The following CNTNAP3B variants were observed in gnomAD, a reference collection of about 807,000 sequenced individuals.
The protein encoded by CNTNAP3B is contactin-associated protein-like 3B.
Under a neutral mutation model 108.9 loss-of-function variants are expected in CNTNAP3B, and 25 were observed. That is an observed-to-expected ratio of 0.23 (90% CI 0.17 to 0.32). The LOEUF is 0.32. Among genes scored for constraint, CNTNAP3B ranks in the 10% least tolerant of loss-of-function variants. CNTNAP3B has a pLI of 1.00. For missense variants in CNTNAP3B, 252 were observed against 1,210.4 expected (o/e 0.21, Z 11.75); for synonymous variants, 103 against 473.4 (o/e 0.22, Z 10.16).
intron 3 of CNTNAP3B, among the ~76,000 whole-genome samples, chr9:42,016,969 C>T (rs531691255): frequency 6.6e-6 from 1 of 151,856 alleles, no homozygotes; most frequent in Non-Finnish European, 1.5e-5. Context: ...GAAAGACAGT[C>T]ACTTAAGTTT....
chr9:41,929,856 C>T (rs1404421504), intron 14 of CNTNAP3B, among the ~76,000 whole-genome samples: 3 of 151,068 alleles, frequency 2.0e-5, no homozygotes, highest in East Asian at 1.9e-4. Context: ...CACTGCCATG[C>T]AAAAATAGAC....
intron 14 of CNTNAP3B, among the ~76,000 whole-genome samples, chr9:41,935,512 C>G (rs1277503224): frequency 6.6e-6 from 1 of 152,288 alleles, no homozygotes; most frequent in Non-Finnish European, 1.5e-5. Flanking sequence ...TAAATTATTA[C>G]AATTATAAAT....
chr9:41,923,565 C>G (rs1326362122), intron 16 of CNTNAP3B, among the ~76,000 whole-genome samples: 1 of 152,274 alleles, frequency 6.6e-6, no homozygotes, highest in Admixed American at 6.5e-5. Context: ...AGTTGAAGAC[C>G]AGCCTGGTCA....
At chr9:41,930,489 G>T (rs1333839906) in intron 14 of CNTNAP3B, among the ~76,000 whole-genome samples, 1 of 152,230 alleles carries the variant, frequency 6.6e-6, no homozygotes, top group East Asian at 1.9e-4. Flanking sequence ...GCTGTAGTGA[G>T]CCATGTGTGC....
intron 13 of CNTNAP3B, among the ~76,000 whole-genome samples, chr9:41,939,428 A>G (rs1486085531): frequency 6.6e-6 from 1 of 152,298 alleles, no homozygotes; most frequent in East Asian, 1.9e-4. Flanking sequence ...CAACTCAATT[A>G]TAACTCATTC....
rs755161722 is a variant in CNTNAP3B at position 42,076,874 on chromosome 9, T to A, written c.385A>T (p.Ile129Phe). 25 of 1,540,172 alleles carry A rather than the reference T, an allele frequency of 1.6e-5. 5 individuals carry two copies. Among genetic ancestry groups the A allele is most frequent in the Middle Eastern group, 4.4e-4 (2 of 4,552 alleles). ...TATTGTTATTAGAAACATACCCAGA[T>A]GCTTTCTTCTCGGCGATACTGCTTC... ...NWKQYRREES[I>F]WGFPGNTNAD... is the part of the protein sequence containing the mutation. Residue 129 changes from isoleucine to phenylalanine, a missense_variant, in exon 3 of 24, where the codon ATC becomes TTC. By Grantham distance (21) the Ile-to-Phe change is conservative. Coordinates refer to ENST00000377561, the MANE Select transcript of CNTNAP3B (RefSeq NM_001201380.3).
At chr9:41,913,581 A>C (rs923944940) in intron 18 of CNTNAP3B, among the ~76,000 whole-genome samples, 1 of 140,660 alleles carries the variant, frequency 7.1e-6, no homozygotes, top group African/African-American at 2.8e-5. Context: ...GCATTAATTA[A>C]ATTCACAATG....
chr9:42,046,095 G>A (rs1201339184), intron 3 of CNTNAP3B, among the ~76,000 whole-genome samples: 1 of 125,896 alleles, frequency 7.9e-6, no homozygotes, highest in Non-Finnish European at 1.7e-5. Context: ...AGTGCTGTGG[G>A]CTCACTTTGC....
intron 2 of CNTNAP3B, among the ~76,000 whole-genome samples, chr9:42,095,467 A>T (rs1210350513): frequency 1.4e-5 from 2 of 139,398 alleles, no homozygotes; most frequent in Non-Finnish European, 3.1e-5. Flanking sequence ...TCAGACTTTC[A>T]AAGAAAATTT....
intron 13 of CNTNAP3B, among the ~76,000 whole-genome samples, chr9:41,947,580 A>T (rs1824563115): frequency 6.6e-6 from 1 of 152,200 alleles, no homozygotes; most frequent in African/African-American, 2.4e-5. Flanking sequence ...TGCCTACATT[A>T]GGAAAGAAGA....
At chr9:41,947,944 G>A (rs1191839588) in intron 13 of CNTNAP3B, among the ~76,000 whole-genome samples, 53 of 151,338 alleles carry the variant, frequency 3.5e-4, no homozygotes, top group Non-Finnish European at 7.2e-4. Flanking sequence ...TTCTCAAAAA[G>A]TACAAACTAC....
chr9:42,015,609 G>A (rs1826203659), intron 3 of CNTNAP3B, among the ~76,000 whole-genome samples: 1 of 58,760 alleles, frequency 1.7e-5, no homozygotes, highest in African/African-American at 6.8e-5. Flanking sequence ...AAATCAATCA[G>A]CCCACCACCT....
chr9:41,979,885 G>GATATATAT (rs201677894), intron 9 of CNTNAP3B: 1 of 111,692 alleles, frequency 9.0e-6, no homozygotes, highest in Non-Finnish European at 1.7e-5. Flanking sequence ...CACCACCTAA[G>GATATATAT]ATATATATAT....
chr9:42,124,354 T>G (rs1828522754), intron 1 of CNTNAP3B, among the ~76,000 whole-genome samples: 1 of 136,170 alleles, frequency 7.3e-6, no homozygotes. Context: ...AAACTAGATT[T>G]ACTGTAGTCC....
At chr9:41,943,391 C>G (rs1397076008) in intron 13 of CNTNAP3B, among the ~76,000 whole-genome samples, 1 of 128,890 alleles carries the variant, frequency 7.8e-6, no homozygotes, top group South Asian at 2.4e-4. Flanking sequence ...CTCTCTCTGT[C>G]GCTCAGGCTG....
In CNTNAP3B at chr9:41,977,786, AT is replaced by A. The variant is rs71288160; in HGVS notation, c.1478-7542del. Among the ~76,000 whole-genome samples the A allele has an allele frequency of 2.2e-3, 201 of 90,532 alleles. 20 individuals are homozygous for A. Among genetic ancestry groups the A allele is most frequent in the African/African-American group, 8.5e-3 (172 of 20,140 alleles). The allele number at this position is 90,532 out of a possible 152,430, so 59.4% of individuals were successfully genotyped here. On this transcript the variant is annotated intron_variant, in intron 9 of 23. Transcript: ENST00000377561. ...AGGCGCCCACCACCATGCCCAGCTAATTTTTTTTTTTTTTTTTTGTATTTTT... is the reference window on the plus strand; with the variant it reads ...AGGCGCCCACCACCATGCCCAGCTAATTTTTTTTTTTTTTTTTGTATTTTT...
Position 41,913,315 on chromosome 9 carries a change from T to A in CNTNAP3B, c.2996-4534A>T, listed in dbSNP as rs1267888586. Among the ~76,000 whole-genome samples the A allele has an allele frequency of 5.4e-5, 8 of 148,606 alleles. No individual in the cohort carries two copies. In the East Asian group the frequency reaches 1.6e-3, roughly 29 times the overall value. On this transcript the variant is annotated intron_variant, in intron 18 of 23. Coordinates refer to ENST00000377561, the MANE Select transcript of CNTNAP3B (RefSeq NM_001201380.3). ...GTTATCCATTCTGACAATATTTGTCTTTTGATTGGATTGCTCAATCGATGA... is the reference window on the plus strand; with the variant it reads ...GTTATCCATTCTGACAATATTTGTCATTTGATTGGATTGCTCAATCGATGA...
intron 14 of CNTNAP3B, among the ~76,000 whole-genome samples, chr9:41,931,713 T>A (rs533351568): frequency 1.3e-5 from 2 of 150,408 alleles, no homozygotes; most frequent in Admixed American, 1.3e-4. Context: ...GCTAGAAATA[T>A]GTCTCCTGCT....
intron 13 of CNTNAP3B, among the ~76,000 whole-genome samples, chr9:41,939,804 A>C (rs1161035983): frequency 6.6e-6 from 1 of 152,244 alleles, no homozygotes; most frequent in Non-Finnish European, 1.5e-5. Flanking sequence ...AAAAGATGTA[A>C]GTGGGTGAAC....
Sources: allele counts gnomAD v4.1 joint callset (sites outside exome capture counted in the v4.1 genomes callset), GRCh38; gene constraint gnomAD v4.1.1; transcripts MANE v1.5; gene names NCBI Gene and HGNC (gene_info 2026-07-23, HGNC 2026-07-21).